WASHC2A: variants seen among roughly 807,000 people sequenced by gnomAD.
WASHC2A encodes WASH complex subunit 2A, also known as WASH complex subunit FAM21A.
In WASHC2A, 82 loss-of-function variants were observed where a neutral mutation model predicts 140.3. The observed-to-expected ratio is 0.58, with a 90% confidence interval of 0.49 to 0.70. WASHC2A has a LOEUF of 0.70. Ranked by LOEUF, WASHC2A falls within the 30% of genes least tolerant of loss-of-function variation. WASHC2A has a pLI of 0.00. For synonymous variants in WASHC2A, 340 were observed against 560.8 expected (o/e 0.61, Z 5.56); for missense variants, 985 against 1,521.8 (o/e 0.65, Z 5.87).
intron 11 of WASHC2A, among the ~76,000 whole-genome samples, chr10:50,092,443 G>C (rs1353045820): frequency 6.6e-6 from 1 of 152,126 alleles, no homozygotes; most frequent in Non-Finnish European, 1.5e-5. Flanking sequence ...GGATCATGAG[G>C]TCAGGAGTTT....
In WASHC2A at chr10:50,092,146, T is replaced by C. The variant is rs556773135; in HGVS notation, c.932-16T>C. On this transcript the variant is annotated splice_polypyrimidine_tract_variant and intron_variant, in intron 10 of 30. Transcript: ENST00000282633. ...GGAGGACTTAGTACTATTAAAACTGTGAACTGTTCTTCAAGCCTTACCCTC... is the reference window on the plus strand; with the variant it reads ...GGAGGACTTAGTACTATTAAAACTGCGAACTGTTCTTCAAGCCTTACCCTC... The C allele has an allele frequency of 6.3e-5, 97 of 1,534,492 alleles. No individual in the cohort carries two copies. The South Asian group carries it at 1.1e-3, about 18-fold the overall frequency.
At chr10:50,115,780 T>A (rs1842623012) in intron 21 of WASHC2A, among the ~76,000 whole-genome samples, 1 of 149,386 alleles carries the variant, frequency 6.7e-6, no homozygotes, top group African/African-American at 2.5e-5. Context: ...TTTAGACAAT[T>A]TTTTTTTCTT....
chr10:50,131,069 G>A lies in WASHC2A; in HGVS notation c.3877G>A (p.Asp1293Asn), dbSNP rs1245053240. 11 of 1,611,756 alleles carry A rather than the reference G, an allele frequency of 6.8e-6. No individual in the cohort carries two copies. The highest frequency in any genetic ancestry group is 9.3e-6 in the Non-Finnish European group (11 of 1,179,810). The change falls in exon 30 of 31, where the codon GAT becomes AAT. Residue 1293 changes from aspartate to asparagine, a missense_variant. By Grantham distance (23) the Asp-to-Asn change is conservative. Coordinates refer to ENST00000282633, the MANE Select transcript of WASHC2A (RefSeq NM_001005751.3). ...AGTGGAAGCCAAGTCTATATTTGAT[G>A]ATGATATGGGTAAGTTTGGTTTTCT... Reference protein sequence around the residue: ...KKVEAKSIFDDDMDDIFSSGI... With the variant: ...KKVEAKSIFDNDMDDIFSSGI...
intron 16 of WASHC2A, among the ~76,000 whole-genome samples, chr10:50,098,193 A>C (rs1305852883): frequency 1.1e-3 from 166 of 152,252 alleles, no homozygotes; most frequent in Non-Finnish European, 2.0e-3. Context: ...TGAGACTAAC[A>C]GTAATTCTAT....
intron 11 of WASHC2A, among the ~76,000 whole-genome samples, chr10:50,092,720 T>G (rs1284670727): frequency 5.3e-5 from 8 of 151,412 alleles, no homozygotes; most frequent in African/African-American, 1.9e-4. Flanking sequence ...GGGTGTGGAG[T>G]AAAAATTCCT....
At position 50,093,205 on chromosome 10, in the gene WASHC2A, G is replaced by A. The variant is rs1225445258; in HGVS notation, c.1004-63G>A. 2.1e-5 allele frequency: 16 copies of A among 763,864 alleles called. 2 individuals carry two copies. Among genetic ancestry groups the A allele is most frequent in the Admixed American group, 1.7e-4 (6 of 36,186 alleles). The allele number at this position is 763,864 out of a possible 1,614,324, so 47.3% of individuals were successfully genotyped here. A position where few individuals can be genotyped will look rare whatever the true frequency, so the allele number is the denominator to read the frequency against. Reference sequence around the variant, plus strand: ...TTGGAGACACAGCAGATGCCAACCCGGGAATTTGAGTTCTGGACCCATCTT... The same window carrying A: ...TTGGAGACACAGCAGATGCCAACCCAGGAATTTGAGTTCTGGACCCATCTT... On this transcript the variant is annotated intron_variant, in intron 11 of 30. Transcript: ENST00000282633.
At position 50,091,582 on chromosome 10, in the gene WASHC2A, A is replaced by G. The variant is rs1839933030; in HGVS notation, c.931+64A>G. 3.3e-6 allele frequency: 5 copies of G among 1,527,918 alleles called. No individual in the cohort carries two copies. The Admixed American group carries it at 1.0e-4, about 31-fold the overall frequency. 94.6% of individuals were successfully genotyped at this position (1,527,918 alleles called of 1,614,324 possible). A position where few individuals can be genotyped will look rare whatever the true frequency, so the allele number is the denominator to read the frequency against. On this transcript the variant is annotated intron_variant, in intron 10 of 30. Coordinates refer to ENST00000282633, the MANE Select transcript of WASHC2A (RefSeq NM_001005751.3). Reference sequence around the variant, plus strand: ...TAGTGCAGGGCCCTCTGCTGGCTTCACCAAAGGCGGATTTCTCTTTTTATT... The same window carrying G: ...TAGTGCAGGGCCCTCTGCTGGCTTCGCCAAAGGCGGATTTCTCTTTTTATT...
chr10:50,130,492 C>T (rs1398700807), intron 29 of WASHC2A, among the ~76,000 whole-genome samples: 1 of 151,928 alleles, frequency 6.6e-6, no homozygotes, highest in Non-Finnish European at 1.5e-5. Flanking sequence ...TATTGAGCAC[C>T]TGGGGACTGC....
intron 16 of WASHC2A, among the ~76,000 whole-genome samples, chr10:50,098,317 A>C (rs1452820705): frequency 2.0e-5 from 3 of 152,046 alleles, no homozygotes; most frequent in Non-Finnish European, 2.9e-5. Flanking sequence ...CATATAGTTC[A>C]TACTGCAATT....
At position 50,127,753 on chromosome 10, in the gene WASHC2A, T is replaced by C; in HGVS notation, c.3045T>C (p.Phe1015=). The part of the protein sequence containing the change: ...LPGSGEAGVS[F]DLPAQADTLH... ...GGAGTGGGGAGGCCGGTGTGAGTTT[T>C]GATCTTCCAGCTCAGGCAGACACCT... Residue 1015 remains phenylalanine (F), a synonymous_variant, in exon 28 of 31, where the codon TTT becomes TTC. Coordinates refer to ENST00000282633, the MANE Select transcript of WASHC2A (RefSeq NM_001005751.3). 2 of 1,551,678 alleles carry C rather than the reference T, an allele frequency of 1.3e-6. No individual in the cohort carries two copies. Among genetic ancestry groups the C allele is most frequent in the Non-Finnish European group, 8.7e-7 (1 of 1,143,560 alleles).
In WASHC2A at chr10:50,125,560, T is replaced by C. The variant is rs1843354025; in HGVS notation, c.2688+111T>C. 2.1e-5 allele frequency: 33 copies of C among 1,605,540 alleles called. No individual in the cohort carries two copies. In the East Asian group the frequency reaches 7.4e-4, roughly 36 times the overall value. On this transcript the variant is annotated intron_variant, in intron 25 of 30. Coordinates refer to ENST00000282633, the MANE Select transcript of WASHC2A (RefSeq NM_001005751.3). Reference sequence around the variant, plus strand: ...ATCCTAGGAGAGTCGTGCTGCTTCCTACTAAATGAATGGCAAATAACATGC... The same window carrying C: ...ATCCTAGGAGAGTCGTGCTGCTTCCCACTAAATGAATGGCAAATAACATGC...
At chr10:50,114,547 G>T (rs1325268998) in intron 21 of WASHC2A, among the ~76,000 whole-genome samples, 1 of 140,352 alleles carries the variant, frequency 7.1e-6, no homozygotes, top group African/African-American at 2.6e-5. Context: ...AAAAAAAAGC[G>T]TAAACACGTA....
rs1444522687 is a variant in WASHC2A, at chr10:50,095,200, A to G, written c.1233A>G (p.Val411=). 7.6e-6 allele frequency: 12 copies of G among 1,582,614 alleles called. No individual in the cohort carries two copies. The highest frequency in any genetic ancestry group is 1.0e-5 in the Non-Finnish European group (12 of 1,162,350). Residue 411 remains valine (V), a synonymous_variant, in exon 14 of 31, where the codon GTA becomes GTG. Coordinates refer to ENST00000282633, the MANE Select transcript of WASHC2A (RefSeq NM_001005751.3). ...AAATCCCAGCAGGAGCTGTTTCTGT[A>G]TTTTTAGGTAACATAACTTAGGTTT... The part of the protein sequence containing the change: ...GKKIPAGAVS[V]FLGDTDVFGA...
Position 50,117,939 on chromosome 10 carries a change from C to A in WASHC2A, c.2176C>A (p.Leu726Met). The change falls in exon 22 of 31, where the codon CTG (leucine) becomes ATG (methionine). Residue 726 changes from leucine to methionine, a missense_variant. Physicochemically the swap from Leu to Met is conservative, Grantham distance 15. Transcript: ENST00000282633. The stretch of plus-strand genomic sequence containing the variant: ...GACTGTCTCTGAGGCACCACCTTTG[C>A]TGTTCAGCGATGAAGAAGAGAAGGA... ...KETVSEAPPL[L>M]FSDEEEKEAQ... 1 of 1,555,260 alleles carries A rather than the reference C, an allele frequency of 6.4e-7. No homozygotes were observed. Among genetic ancestry groups the A allele is most frequent in the Non-Finnish European group, 8.8e-7 (1 of 1,136,412 alleles).
At chr10:50,110,915 A>G (rs1159777656) in intron 20 of WASHC2A, among the ~76,000 whole-genome samples, 10 of 144,986 alleles carry the variant, frequency 6.9e-5, no homozygotes, top group African/African-American at 2.3e-4. Context: ...AAAAAAAAAA[A>G]AGTTATTTGA....
intron 17 of WASHC2A, among the ~76,000 whole-genome samples, chr10:50,102,987 C>T (rs1449952210): frequency 6.6e-6 from 1 of 151,716 alleles, no homozygotes; most frequent in Non-Finnish European, 1.5e-5. Context: ...CTGCCACAGC[C>T]TCCTGAGTAG....
At chr10:50,075,952 T>C (rs1348748846) in intron 3 of WASHC2A, among the ~76,000 whole-genome samples, 3 of 151,874 alleles carry the variant, frequency 2.0e-5, no homozygotes, top group Non-Finnish European at 4.4e-5. Context: ...TTCAGTCTTG[T>C]TGCTCAGACT....
At chr10:50,073,599 T>C (rs1838047521) in intron 3 of WASHC2A, among the ~76,000 whole-genome samples, 1 of 74,148 alleles carries the variant, frequency 1.3e-5, no homozygotes, top group Admixed American at 1.8e-4. Context: ...AAAAGCGTTA[T>C]TAACATATAA....
Position 50,082,520 on chromosome 10 carries a change from T to A in WASHC2A, c.529-1552T>A, listed in dbSNP as rs1436947988. Reference sequence around the variant, plus strand: ...TTTTTGAGACAGAGTTTCACTCTTGTTGCCCAAGCTGGAGTGGCGCAATCT... The same window carrying A: ...TTTTTGAGACAGAGTTTCACTCTTGATGCCCAAGCTGGAGTGGCGCAATCT... On this transcript the variant is annotated intron_variant, in intron 5 of 30. Transcript: ENST00000282633. Among the ~76,000 whole-genome samples, 9 of 147,280 alleles carry A rather than the reference T, an allele frequency of 6.1e-5. No individual in the cohort carries two copies. In the East Asian group the frequency reaches 1.4e-3, roughly 23 times the overall value.
Sources: gnomAD v4.1 joint callset for allele counts (sites outside exome capture counted in the v4.1 genomes callset) on GRCh38, gnomAD v4.1.1 for gene constraint, MANE v1.5 for transcripts, NCBI Gene and HGNC (gene_info 2026-07-23, HGNC 2026-07-21) for gene names.